Variants in CDH4 observed in about 807,000 individuals in gnomAD.
CDH4 encodes the protein cadherin-4.
A neutral mutation model predicts 86.0 loss-of-function variants in CDH4; 33 were observed. The ratio of observed to expected loss-of-function variants is 0.38; its 90% CI spans 0.29 to 0.51. The LOEUF is 0.51. CDH4 is among the 20% of genes least tolerant of loss of function. The probability of loss-of-function intolerance (pLI) is 0.86; values close to 1 mark genes in which losing one functional copy is unlikely to be tolerated. For missense variants in CDH4, 1,114 were observed against 1,307.4 expected, an observed-to-expected ratio of 0.85 and a Z score of 2.28; for synonymous variants, 555 against 549.4, an observed-to-expected ratio of 1.01 and a Z score of -0.14.
intron 2 of CDH4, among the ~76,000 whole-genome samples, chr20:61,287,895 G>T (rs189081126): frequency 6.6e-6 from 1 of 152,138 alleles, no homozygotes; most frequent in Non-Finnish European, 1.5e-5. Context: ...GCCAGTGTCC[G>T]GGTGGCACTG....
chr20:61,278,898 A>G (rs1427455271), intron 2 of CDH4, among the ~76,000 whole-genome samples: 1 of 152,218 alleles, frequency 6.6e-6, no homozygotes, highest in Non-Finnish European at 1.5e-5. Flanking sequence ...GGCAATGGCA[A>G]GTATTCTTAC....
At chr20:61,805,063 T>C (rs531055037) in intron 4 of CDH4, among the ~76,000 whole-genome samples, 1 of 152,220 alleles carries the variant, frequency 6.6e-6, no homozygotes, top group Non-Finnish European at 1.5e-5. Context: ...TCCAAGTTCG[T>C]GGAAAGAGAG....
In CDH4 at chr20:61,516,852, C is replaced by T. The variant is rs1247873669; in HGVS notation, c.170-226711C>T. 1.3e-5 allele frequency among the ~76,000 whole-genome samples: 2 copies of T among 152,258 alleles called. No individual in the cohort carries two copies. Among genetic ancestry groups the T allele is most frequent in the Admixed American group, 1.3e-4 (2 of 15,290 alleles). On this transcript the variant is annotated intron_variant, in intron 2 of 15. Transcript: ENST00000614565. The surrounding 1 kb of genome is among the most constrained non-coding windows in gnomAD (Gnocchi z 4.0). ...TGTCCACACAGCCCCTGCTCCCCTA[C>T]TCCCTGGCTCCTCGTCCTAGCAAGG...
rs753018311 is a variant in CDH4, at chr20:61,676,167, C to T, written c.170-67396C>T. 3.3e-5 allele frequency among the ~76,000 whole-genome samples: 5 copies of T among 152,198 alleles called. No individual in the cohort carries two copies. Among genetic ancestry groups the T allele is most frequent in the Non-Finnish European group, 5.9e-5 (4 of 68,034 alleles). On this transcript the variant is annotated intron_variant, in intron 2 of 15. Transcript: ENST00000614565. The surrounding 1 kb of genome is among the most constrained non-coding windows in gnomAD (Gnocchi z 4.5). ...TGGGGCCTGCCAGTTCGAATTTGCA[C>T]GTGCAGAAAATCACATCCTTCCGTC...
At chr20:61,305,103 G>T (rs1160433584) in intron 2 of CDH4, among the ~76,000 whole-genome samples, 17 of 151,838 alleles carry the variant, frequency 1.1e-4, no homozygotes, top group Non-Finnish European at 2.2e-4. Flanking sequence ...CTGTGTGTGT[G>T]GTGTGTGCTC....
chr20:61,329,114 G>A (rs1397920848), intron 2 of CDH4, among the ~76,000 whole-genome samples: 1 of 152,210 alleles, frequency 6.6e-6, no homozygotes, highest in African/African-American at 2.4e-5. Context: ...GGAAACAGAC[G>A]GCTGTGTGGG....
chr20:61,253,307 G>A (rs2084076157), intron 1 of CDH4, among the ~76,000 whole-genome samples: 1 of 151,592 alleles, frequency 6.6e-6, no homozygotes, highest in Non-Finnish European at 1.5e-5. Context: ...CGGGTCTCCC[G>A]CTGCCTCTGC....
chr20:61,808,617 G>C (rs1410729033), intron 4 of CDH4, among the ~76,000 whole-genome samples: 1 of 152,218 alleles, frequency 6.6e-6, no homozygotes, highest in African/African-American at 2.4e-5. Context: ...TGAAACAGAA[G>C]AGCAGCCCCA....
chr20:61,718,345 A>T (rs1231466600), intron 2 of CDH4: 4 of 168,272 alleles, frequency 2.4e-5, no homozygotes, highest in South Asian at 1.6e-4. Context: ...TTCTTCCTGG[A>T]TCATGCCAAG....
At chr20:61,699,047 T>G (rs577404194) in intron 2 of CDH4, among the ~76,000 whole-genome samples, 1 of 152,396 alleles carries the variant, frequency 6.6e-6, no homozygotes, top group East Asian at 1.9e-4. Context: ...TGGCTGGTCA[T>G]GTGGAACGTG....
chr20:61,778,094 C>G (rs1978347569), intron 4 of CDH4, among the ~76,000 whole-genome samples: 1 of 152,246 alleles, frequency 6.6e-6, no homozygotes, highest in South Asian at 2.1e-4. Context: ...TCCACCCTCC[C>G]CTCTATCTTC....
intron 7 of CDH4, 131 bp downstream of exon 7, chr20:61,874,031 T>G: frequency 4.6e-5 from 43 of 925,662 alleles, no homozygotes; most frequent in Non-Finnish European, 6.2e-5. Flanking sequence ...TGGCACTCTC[T>G]TGCCATGGGA....
intron 4 of CDH4, among the ~76,000 whole-genome samples, chr20:61,840,785 G>A (rs1982127321): frequency 6.6e-6 from 1 of 152,168 alleles, no homozygotes; most frequent in Admixed American, 6.5e-5. Context: ...TCTTAATATG[G>A]TAAACTGTGG....
At chr20:61,325,386 A>G (rs1191317134) in intron 2 of CDH4, among the ~76,000 whole-genome samples, 1 of 152,036 alleles carries the variant, frequency 6.6e-6, no homozygotes, top group Non-Finnish European at 1.5e-5. Flanking sequence ...AAATTCTGTT[A>G]ATGTCCCCTT....
At chr20:61,322,233 A>G (rs2084512758) in intron 2 of CDH4, among the ~76,000 whole-genome samples, 1 of 152,112 alleles carries the variant, frequency 6.6e-6, no homozygotes, top group African/African-American at 2.4e-5. Context: ...TCATTTGACT[A>G]ACTACCCCCC....
chr20:61,338,298 A>T (rs1190987239), intron 2 of CDH4, among the ~76,000 whole-genome samples: 1 of 152,212 alleles, frequency 6.6e-6, no homozygotes, highest in African/African-American at 2.4e-5. Flanking sequence ...AGAGAAAAAA[A>T]AATCAGGGTA....
Position 61,875,476 on chromosome 20 carries a change from G to A in CDH4, c.1050+1576G>A, listed in dbSNP as rs919700696. ...GGCACCTTTCATCTGAGAGACAGAA[G>A]GATGATGACAGCCTTGGACTCCAAG... On this transcript the variant is annotated intron_variant, in intron 7 of 15. Coordinates refer to ENST00000614565, the MANE Select transcript of CDH4 (RefSeq NM_001794.5). Among the ~76,000 whole-genome samples the A allele has an allele frequency of 9.2e-5, 14 of 152,346 alleles. No homozygotes were observed. In the Middle Eastern group the frequency reaches 0.01, roughly 111 times the overall value.
chr20:61,791,156 C>T (rs899049788), intron 4 of CDH4, among the ~76,000 whole-genome samples: 2 of 152,242 alleles, frequency 1.3e-5, no homozygotes, highest in Non-Finnish European at 2.9e-5. Context: ...ACTGTTTCAA[C>T]ATTTGAAAAC....
In CDH4 at chr20:61,773,088, C is replaced by A. The variant is rs933345156; in HGVS notation, c.482C>A (p.Ala161Asp). 4 of 1,613,436 alleles carry A rather than the reference C, an allele frequency of 2.5e-6. No homozygotes were observed. The highest frequency in any genetic ancestry group is 3.4e-6 in the Non-Finnish European group (4 of 1,179,936). Residue 161 changes from alanine (A) to aspartate (D), a missense_variant, in exon 4 of 16, where the codon GCC becomes GAC. Transcript: ENST00000614565. ...TLLPWPQHQN[A>D]NGLRRRKRDW... ...CTGCCGTGGCCCCAGCACCAGAACG[C>A]CAACGGGCTGAGGCGGCGCAAACGG...
Sources: allele counts gnomAD v4.1 joint callset (sites outside exome capture counted in the v4.1 genomes callset), GRCh38; gene constraint gnomAD v4.1.1; non-coding constraint Gnocchi (gnomAD v3.1); transcripts MANE v1.5; gene names NCBI Gene and HGNC (gene_info 2026-07-23, HGNC 2026-07-21).